Variants in FBXO34 observed in about 807,000 individuals in gnomAD.
The protein encoded by FBXO34 is F-box protein 34, also known as F-box only protein 34.
A neutral mutation model predicts 24.5 loss-of-function variants in FBXO34; 12 were observed. That is an observed-to-expected ratio of 0.49 (90% CI 0.31 to 0.79). The LOEUF (loss-of-function observed/expected upper bound fraction) is 0.79, where lower values mean the gene tolerates loss of function less well. Among genes scored for constraint, FBXO34 ranks in the 30% least tolerant of loss-of-function variants. The probability of loss-of-function intolerance (pLI) is 0.04; values close to 1 mark genes in which losing one functional copy is unlikely to be tolerated. For missense variants in FBXO34, 823 were observed against 857.7 expected (o/e 0.96, Z 0.51); for synonymous variants, 320 against 311.9 (o/e 1.03, Z -0.27).
rs71131258 is a variant in FBXO34, at chr14:55,283,944, A to ATGTGTGTGTG, written c.-11+12429_-11+12438dup. On this transcript the variant is annotated intron_variant, in intron 1 of 1. Coordinates refer to ENST00000313833, the MANE Select transcript of FBXO34 (RefSeq NM_017943.4). The stretch of plus-strand genomic sequence containing the variant: ...AAACGTGACTTTACATTCTAAGACT[A>ATGTGTGTGTG]TGTGTGTGTGTGTGTGTGTGTGTGT... Among the ~76,000 whole-genome samples the ATGTGTGTGTG allele has an allele frequency of 3.9e-3, 553 of 142,672 alleles. 2 individuals are homozygous for ATGTGTGTGTG. Among genetic ancestry groups the ATGTGTGTGTG allele is most frequent in the South Asian group, 0.01 (46 of 4,436 alleles). The allele number at this position is 142,672 out of a possible 152,430, so 93.6% of individuals were successfully genotyped here.
downstream of FBXO34, chr14:55,370,027 C>A: frequency 9.0e-7 from 1 of 1,116,714 alleles, no homozygotes; most frequent in Non-Finnish European, 1.3e-6. Context: ...ATGAGGGACG[C>A]CGCACACCCC....
chr14:55,433,747 T>C, the FBXO34 span: 2 of 1,604,470 alleles, frequency 1.2e-6, no homozygotes, highest in Admixed American at 1.7e-5. Flanking sequence ...AAAAGAGAAT[T>C]AGCCTCTGCT....
the FBXO34 span, among the ~76,000 whole-genome samples, chr14:55,378,425 C>G: frequency 6.6e-6 from 1 of 152,230 alleles, no homozygotes; most frequent in East Asian, 1.9e-4. Context: ...GCAAACTATA[C>G]AACTGTCATC....
chr14:55,278,931 C>A (rs940057093), intron 1 of FBXO34, among the ~76,000 whole-genome samples: 9 of 152,232 alleles, frequency 5.9e-5, no homozygotes, highest in Non-Finnish European at 1.2e-4. Flanking sequence ...AAGCCATCCT[C>A]CTGCCTTGGC....
chr14:55,329,020 C>A (rs369580543), intron 1 of FBXO34, among the ~76,000 whole-genome samples: 49 of 151,826 alleles, frequency 3.2e-4, no homozygotes, highest in African/African-American at 1.1e-3. Context: ...AATTGTCCCC[C>A]CCGTGTATCA....
At chr14:55,272,256 A>G (rs905013258) in intron 1 of FBXO34, 1 of 152,266 alleles carries the variant, frequency 6.6e-6, no homozygotes, top group African/African-American at 2.4e-5. Flanking sequence ...TTGGAATCGC[A>G]GTGGATTTGA....
At chr14:55,298,809 G>A in intron 1 of FBXO34, 1 of 1,611,632 alleles carries the variant, frequency 6.2e-7, no homozygotes, top group East Asian at 2.2e-5. Context: ...GGCCCTCCAG[G>A]CACTGAAGCG....
chr14:55,275,823 CAA>C (rs57849080), intron 1 of FBXO34, among the ~76,000 whole-genome samples: 2,693 of 90,052 alleles, frequency 0.03, 64 homozygotes, highest in African/African-American at 0.087. Context: ...GACTCTGTCT[CAA>C]AAAAAAAAAA....
At chr14:55,346,053 A>G (rs1230518224) in intron 1 of FBXO34, among the ~76,000 whole-genome samples, 3 of 152,084 alleles carry the variant, frequency 2.0e-5, no homozygotes, top group Admixed American at 2.0e-4. Flanking sequence ...GGAAATGAAC[A>G]TTTGTAGGTT....
At chr14:55,306,633 G>C (rs1882554552) in intron 1 of FBXO34, among the ~76,000 whole-genome samples, 1 of 152,142 alleles carries the variant, frequency 6.6e-6, no homozygotes, top group African/African-American at 2.4e-5. Context: ...AGGAGATGGA[G>C]ACCAGCCTGG....
At chr14:55,321,795 G>T (rs920185120) in intron 1 of FBXO34, among the ~76,000 whole-genome samples, 2 of 152,202 alleles carry the variant, frequency 1.3e-5, no homozygotes, top group African/African-American at 2.4e-5. Context: ...ATACCTATTT[G>T]CCTCTTATGT....
intron 1 of FBXO34, among the ~76,000 whole-genome samples, chr14:55,279,874 TAA>T (rs776226447): frequency 5.9e-5 from 9 of 152,186 alleles, no homozygotes; most frequent in Admixed American, 1.3e-4. Flanking sequence ...TGCCCCTAAA[TAA>T]AGAGCCAGTA....
chr14:55,375,418 A>G, the FBXO34 span, among the ~76,000 whole-genome samples: 1 of 147,424 alleles, frequency 6.8e-6, no homozygotes, highest in African/African-American at 2.5e-5. Context: ...GAGCTCCTCA[A>G]CTCAGGCGAC....
At chr14:55,281,490 A>T (rs919764131) in intron 1 of FBXO34, among the ~76,000 whole-genome samples, 2 of 152,170 alleles carry the variant, frequency 1.3e-5, no homozygotes, top group Admixed American at 6.5e-5. Context: ...CAGCGGGATG[A>T]TGTTACTCTC....
downstream of FBXO34, among the ~76,000 whole-genome samples, chr14:55,354,332 C>T (rs960935482): frequency 6.6e-6 from 1 of 152,118 alleles, no homozygotes; most frequent in Non-Finnish European, 1.5e-5. Context: ...TCAGTAGTGC[C>T]TTCTTAATTG....
chr14:55,289,629 G>A (rs535043394), intron 1 of FBXO34, among the ~76,000 whole-genome samples: 1 of 152,114 alleles, frequency 6.6e-6, no homozygotes, highest in Non-Finnish European at 1.5e-5. Flanking sequence ...ACAACATCCT[G>A]GGCTCAAGAA....
exon 3 of FBXO34, chr14:55,367,769 C>G (rs562439915): frequency 6.6e-6 from 1 of 151,662 alleles, no homozygotes; most frequent in East Asian, 1.9e-4. Flanking sequence ...CCACCCACAA[C>G]GAGAAAAGCC....
chr14:55,331,666 T>G, intron 1 of FBXO34, among the ~76,000 whole-genome samples: 1 of 74,694 alleles, frequency 1.3e-5, no homozygotes, highest in Non-Finnish European at 2.4e-5. Context: ...ACCAACATGG[T>G]GTGTGTATAT....
At chr14:55,380,623 G>A in the FBXO34 span, 1 of 1,613,288 alleles carries the variant, frequency 6.2e-7, no homozygotes, top group Non-Finnish European at 8.5e-7. Flanking sequence ...GAGACAGAAT[G>A]TTGACCAGCT....
Sources: allele counts gnomAD v4.1 joint callset (sites outside exome capture counted in the v4.1 genomes callset), GRCh38; gene constraint gnomAD v4.1.1; transcripts MANE v1.5; gene names NCBI Gene and HGNC (gene_info 2026-07-23, HGNC 2026-07-21).